TYW3: variants seen among roughly 807,000 people sequenced by gnomAD.
TYW3 encodes tRNA-yW synthesizing protein 3 homolog.
In TYW3, 26 loss-of-function variants were observed where a neutral mutation model predicts 23.1. That is an observed-to-expected ratio of 1.13 (90% CI 0.83 to 1.56). The LOEUF (loss-of-function observed/expected upper bound fraction) is 1.56. TYW3 is among the 40% of genes most tolerant of loss of function. TYW3 has a pLI of 0.00. For missense variants in TYW3, 316 were observed against 311.9 expected, an observed-to-expected ratio of 1.01 and a Z score of -0.10; for synonymous variants, 102 against 105.7, an observed-to-expected ratio of 0.97 and a Z score of 0.21.
intron 3 of TYW3, among the ~76,000 whole-genome samples, 167 bp downstream of exon 3, chr1:74,738,955 AG>A (rs1439627992): frequency 2.0e-5 from 3 of 152,204 alleles, no homozygotes; most frequent in African/African-American, 7.2e-5. Context: ...TTAGAAAAAA[AG>A]AGTAGCTAAT....
chr1:74,737,800 G>A (rs28699073), intron 2 of TYW3, among the ~76,000 whole-genome samples: 26 of 152,236 alleles, frequency 1.7e-4, no homozygotes, highest in African/African-American at 4.3e-4. Flanking sequence ...CAAAAAACAC[G>A]CATACTAGGC....
Position 74,738,676 on chromosome 1 carries a change from G to T in TYW3, c.256-14G>T. ...CCATATACTTGCATCTGATACCACT[G>T]TTCATTTATTTAGATTGTAGCTCTG... is the stretch of plus-strand genomic sequence containing the variant. On this transcript the variant is annotated splice_polypyrimidine_tract_variant and intron_variant, in intron 2 of 5. Coordinates refer to ENST00000370867, the MANE Select transcript of TYW3 (RefSeq NM_138467.3). 1 of 1,587,518 alleles carries T rather than the reference G, an allele frequency of 6.3e-7. No homozygotes were observed.
At position 74,740,526 on chromosome 1, in the gene TYW3, G is replaced by A. The variant is rs375267008; in HGVS notation, c.354+1738G>A. On this transcript the variant is annotated intron_variant, in intron 3 of 5. Coordinates refer to ENST00000370867, the MANE Select transcript of TYW3 (RefSeq NM_138467.3). Reference sequence around the variant, plus strand: ...CCCACCCACATCCTGCTGATTGGTCGCTTTTACAGACAGCTGATTGGTCCA... The same window carrying A: ...CCCACCCACATCCTGCTGATTGGTCACTTTTACAGACAGCTGATTGGTCCA... 2.8e-4 allele frequency among the ~76,000 whole-genome samples: 43 copies of A among 152,314 alleles called. 2 individuals carry two copies. The South Asian group carries it at 6.8e-3, about 24-fold the overall frequency.
At chr1:74,755,416 A>G (rs536808976) in intron 5 of TYW3, among the ~76,000 whole-genome samples, 1 of 152,342 alleles carries the variant, frequency 6.6e-6, no homozygotes, top group South Asian at 2.1e-4. Context: ...TAATTCATCT[A>G]AGTGGGATCA....
intron 5 of TYW3, 65 bp downstream of exon 5, chr1:74,752,490 CTTA>C: frequency 7.0e-7 from 1 of 1,421,350 alleles, no homozygotes; most frequent in Non-Finnish European, 9.6e-7. Flanking sequence ...AACATTAATA[CTTA>C]CTATCTTCAG....
chr1:74,761,643 A>G (rs1466827522), intron 5 of TYW3: 1 of 152,160 alleles, frequency 6.6e-6, no homozygotes, highest in Non-Finnish European at 1.5e-5. Flanking sequence ...ACGTTAATGT[A>G]AGTCATTCTG....
At chr1:74,733,614 G>C (rs1570043730) in intron 1 of TYW3, 196 bp downstream of exon 1, 1 of 952,928 alleles carries the variant, frequency 1.0e-6, no homozygotes, top group Non-Finnish European at 1.2e-6. Flanking sequence ...AATCAGCTGA[G>C]CATCTTTTAA....
intron 1 of TYW3, chr1:74,736,068 A>G (rs894427348): frequency 2.6e-5 from 4 of 152,284 alleles, no homozygotes; most frequent in African/African-American, 9.6e-5. Flanking sequence ...AGAGGTCACA[A>G]ATTTATGCCT....
At chr1:74,736,408 A>T (rs1648154972) in intron 1 of TYW3, 134 bp from the exon 2 acceptor site, 2 of 562,292 alleles carry the variant, frequency 3.6e-6, no homozygotes, top group Non-Finnish European at 5.6e-6. Context: ...AAACATACCG[A>T]ATTGTTTTTA....
intron 3 of TYW3, among the ~76,000 whole-genome samples, chr1:74,741,788 A>G (rs1184308615): frequency 6.6e-6 from 1 of 152,212 alleles, no homozygotes; most frequent in Non-Finnish European, 1.5e-5. Flanking sequence ...CAACAAGGCC[A>G]TGGGCAAAAG....
chr1:74,754,709 TA>T (rs1003432299), intron 5 of TYW3, among the ~76,000 whole-genome samples: 1 of 150,846 alleles, frequency 6.6e-6, no homozygotes, highest in Admixed American at 6.6e-5. Context: ...ATATTTTTAA[TA>T]AAAAAAAAGG....
At chr1:74,747,970 A>G (rs1260723834) in intron 3 of TYW3, among the ~76,000 whole-genome samples, 2 of 152,128 alleles carry the variant, frequency 1.3e-5, no homozygotes, top group East Asian at 3.9e-4. Context: ...GGGAATCTCA[A>G]AAGGAGAGCA....
At position 74,765,099 on chromosome 1, in the gene TYW3, C is replaced by G. The variant is rs1480666003; in HGVS notation, c.*986C>G. On this transcript the variant is annotated 3_prime_UTR_variant, in exon 6 of 6. Transcript: ENST00000370867. ...CAAACCAGAATCTTAATCCTGGAGTCTAGGAATCTTTATTTTTCACACAAC... is the reference window on the plus strand; with the variant it reads ...CAAACCAGAATCTTAATCCTGGAGTGTAGGAATCTTTATTTTTCACACAAC... 1 of 152,088 alleles carries G rather than the reference C, an allele frequency of 6.6e-6. No individual in the cohort carries two copies. Among genetic ancestry groups the G allele is most frequent in the Non-Finnish European group, 1.5e-5 (1 of 68,016 alleles). 9.4% of individuals were successfully genotyped at this position (152,088 alleles called of 1,614,324 possible).
rs138577824 is a variant in TYW3 at position 74,752,098 on chromosome 1, G to A, written c.427-194G>A. ...AGAATATCTTTCTTTAGAAATGACT[G>A]TAGATGATGGAAAAAATTTTATTTA... On this transcript the variant is annotated intron_variant, in intron 4 of 5. Transcript: ENST00000370867. Among the ~76,000 whole-genome samples, 42 of 152,320 alleles carry A rather than the reference G, an allele frequency of 2.8e-4. 1 individual carries two copies. The East Asian group carries it at 7.5e-3, about 27-fold the overall frequency.
rs1339994198 is a variant in TYW3, at chr1:74,766,673, T to C, written c.*2560T>C. ...TATTGAAGAAATAAAACATTTTTAA[T>C]GAAATTTTGTGTAGTCTTAGTGTCC... On this transcript the variant is annotated 3_prime_UTR_variant, in exon 6 of 6. Transcript: ENST00000370867. 1 of 152,210 alleles carries C rather than the reference T, an allele frequency of 6.6e-6. No homozygotes were observed. Among genetic ancestry groups the C allele is most frequent in the Non-Finnish European group, 1.5e-5 (1 of 68,022 alleles). 9.4% of individuals were successfully genotyped at this position (152,210 alleles called of 1,614,324 possible).
At chr1:74,753,818 A>G (rs1648866939) in intron 5 of TYW3, among the ~76,000 whole-genome samples, 1 of 152,306 alleles carries the variant, frequency 6.6e-6, no homozygotes, top group Non-Finnish European at 1.5e-5. Flanking sequence ...CACAATTCAC[A>G]AAGTTATTTG....
In TYW3 at chr1:74,733,399, G is replaced by T; in HGVS notation, c.155G>T (p.Arg52Leu). 1 of 1,614,138 alleles carries T rather than the reference G, an allele frequency of 6.2e-7. No homozygotes were observed. The highest frequency in any genetic ancestry group is 8.5e-7 in the Non-Finnish European group (1 of 1,180,018). ...QFFTTSSCAG[R>L]ILLLDRGING... is the part of the protein sequence containing the mutation. ...TTCACCACCAGCTCCTGCGCTGGCC[G>T]CATCCTACTCCTTGACCGGGTGAGG... Residue 52 changes from arginine (R) to leucine (L), a missense_variant, in exon 1 of 6, where the codon CGC becomes CTC. Coordinates refer to ENST00000370867, the MANE Select transcript of TYW3 (RefSeq NM_138467.3).
intron 3 of TYW3, among the ~76,000 whole-genome samples, chr1:74,742,382 G>T (rs2100759316): frequency 6.6e-6 from 1 of 152,256 alleles, no homozygotes; most frequent in African/African-American, 2.4e-5. Context: ...CCACTGGCTG[G>T]CTTTGGGTAT....
At chr1:74,734,037 C>A (rs1325981394) in intron 1 of TYW3, 2 of 151,998 alleles carry the variant, frequency 1.3e-5, no homozygotes, top group African/African-American at 4.8e-5. Context: ...CTTACATTTT[C>A]CACTTATGAC....
Sources: allele counts gnomAD v4.1 joint callset (sites outside exome capture counted in the v4.1 genomes callset), GRCh38; gene constraint gnomAD v4.1.1; transcripts MANE v1.5; gene names NCBI Gene and HGNC (gene_info 2026-07-23, HGNC 2026-07-21).